TBC1D32: variants seen among roughly 807,000 people sequenced by gnomAD.
The protein encoded by TBC1D32 is TBC1 domain family member 32.
Under a neutral mutation model 170.3 loss-of-function variants are expected in TBC1D32, and 151 were observed. That is an observed-to-expected ratio of 0.89 (90% CI 0.78 to 1.01). The LOEUF (loss-of-function observed/expected upper bound fraction) is 1.01, where lower values mean the gene tolerates loss of function less well. TBC1D32 is among the 50% of genes least tolerant of loss of function. The pLI is 0.00. For synonymous variants in TBC1D32, 498 were observed against 488.0 expected (o/e 1.02, Z -0.27); for missense variants, 1,464 against 1,457.1 (o/e 1.00, Z -0.08).
chr6:121,093,884 G>C (rs1053650533), intron 30 of TBC1D32, among the ~76,000 whole-genome samples: 1 of 152,070 alleles, frequency 6.6e-6, no homozygotes, highest in African/African-American at 2.4e-5. Context: ...CAAAGGTATA[G>C]ATGTTATTAT....
At chr6:121,299,682 A>C (rs1806175358) in intron 9 of TBC1D32, among the ~76,000 whole-genome samples, 177 bp from the exon 10 acceptor site, 1 of 152,184 alleles carries the variant, frequency 6.6e-6, no homozygotes, top group South Asian at 2.1e-4. Flanking sequence ...AGCAATCACA[A>C]GAATGCAAAT....
intron 24 of TBC1D32, among the ~76,000 whole-genome samples, chr6:121,152,346 T>C (rs908747885): frequency 1.1e-4 from 16 of 152,216 alleles, no homozygotes; most frequent in Non-Finnish European, 1.9e-4. Context: ...TTCTGGCTTG[T>C]AGGGTTTCTG....
chr6:121,271,954 A>G (rs1801505104), intron 15 of TBC1D32, among the ~76,000 whole-genome samples: 1 of 152,104 alleles, frequency 6.6e-6, no homozygotes, highest in Non-Finnish European at 1.5e-5. Context: ...ATAATACCAC[A>G]CATCTACAAC....
intron 9 of TBC1D32, among the ~76,000 whole-genome samples, chr6:121,300,083 T>A (rs1380254163): frequency 6.6e-6 from 1 of 152,128 alleles, no homozygotes; most frequent in Non-Finnish European, 1.5e-5. Context: ...AAACTATAAA[T>A]ATTGTTTAGC....
chr6:121,189,576 A>C (rs911879512), intron 22 of TBC1D32, among the ~76,000 whole-genome samples: 2 of 152,008 alleles, frequency 1.3e-5, no homozygotes, highest in East Asian at 1.9e-4. Context: ...CTAGAAAAAA[A>C]TGCTTGTAAC....
chr6:121,170,035 G>A (rs181970248), intron 22 of TBC1D32, among the ~76,000 whole-genome samples: 160 of 152,124 alleles, frequency 1.1e-3, no homozygotes, highest in African/African-American at 3.3e-3. Context: ...TCTTACAATA[G>A]CAGCTGAATT....
rs113660181 is a variant in TBC1D32 at position 121,271,843 on chromosome 6, C to T, written c.1733+7278G>A. On this transcript the variant is annotated intron_variant, in intron 15 of 31. Transcript: ENST00000398212. ...ACAAAAGCTGGAGGCACCATGCCAC[C>T]TGACTTCAAACTGTACTACAAGGCT... Among the ~76,000 whole-genome samples the T allele has an allele frequency of 3.1e-3, 467 of 152,252 alleles. 4 individuals are homozygous for T. Among genetic ancestry groups the T allele is most frequent in the African/African-American group, 0.011 (452 of 41,542 alleles).
intron 30 of TBC1D32, among the ~76,000 whole-genome samples, chr6:121,101,129 T>A (rs189827569): frequency 2.0e-5 from 3 of 152,084 alleles, no homozygotes; most frequent in East Asian, 3.9e-4. Context: ...CAGGACCAGA[T>A]GGATTCACAG....
At chr6:121,112,255 C>T in intron 29 of TBC1D32, 1 of 246,894 alleles carries the variant, frequency 4.1e-6, no homozygotes. Flanking sequence ...ATTTTAATTT[C>T]ATTATCATGT....
At chr6:121,172,714 T>C (rs1455613235) in intron 22 of TBC1D32, among the ~76,000 whole-genome samples, 1 of 152,242 alleles carries the variant, frequency 6.6e-6, no homozygotes, top group African/African-American at 2.4e-5. Context: ...GTTAAGAACA[T>C]GCTTGTGCAT....
chr6:121,210,147 A>C lies in TBC1D32; in HGVS notation c.2482-4984T>G, dbSNP rs983679250. Among the ~76,000 whole-genome samples the C allele has an allele frequency of 6.6e-5, 10 of 152,220 alleles. 1 individual carries two copies. The highest frequency in any genetic ancestry group is 1.3e-4 in the Non-Finnish European group (9 of 68,050). On this transcript the variant is annotated intron_variant, in intron 21 of 31. Coordinates refer to ENST00000398212, the MANE Select transcript of TBC1D32 (RefSeq NM_152730.6). Reference sequence around the variant, plus strand: ...AGATACCTGACATGAAGCCATGAAAAGTTAAGACCTAATATCCCTAAAAGC... The same window carrying C: ...AGATACCTGACATGAAGCCATGAAACGTTAAGACCTAATATCCCTAAAAGC...
intron 20 of TBC1D32, among the ~76,000 whole-genome samples, chr6:121,231,075 A>G (rs1279912301): frequency 1.3e-5 from 2 of 152,130 alleles, no homozygotes; most frequent in African/African-American, 4.8e-5. Flanking sequence ...ACTTAGAATA[A>G]TAGTCTCCAA....
intron 21 of TBC1D32, among the ~76,000 whole-genome samples, chr6:121,206,813 G>T (rs1003449311): frequency 1.8e-4 from 28 of 152,216 alleles, no homozygotes; most frequent in Admixed American, 8.5e-4. Flanking sequence ...GGCACTACTT[G>T]CTTCAAACAT....
intron 5 of TBC1D32, among the ~76,000 whole-genome samples, chr6:121,307,168 A>C (rs939852737): frequency 2.0e-5 from 3 of 151,892 alleles, no homozygotes; most frequent in Non-Finnish European, 2.9e-5. Context: ...TGAGCCCAGG[A>C]GTTCAAGACC....
At chr6:121,261,267 C>T (rs974980385) in intron 15 of TBC1D32, among the ~76,000 whole-genome samples, 1 of 152,200 alleles carries the variant, frequency 6.6e-6, no homozygotes, top group Admixed American at 6.5e-5. Context: ...GCAGCACACC[C>T]TCTGCCAAGG....
At chr6:121,140,331 C>CAA (rs57301815) in intron 24 of TBC1D32, among the ~76,000 whole-genome samples, 2 of 135,884 alleles carry the variant, frequency 1.5e-5, no homozygotes, top group Non-Finnish European at 3.3e-5. Context: ...CAGGTTGGGG[C>CAA]AAAAAAAAAA....
intron 1 of TBC1D32, among the ~76,000 whole-genome samples, chr6:121,330,009 C>G (rs1254660986): frequency 1.3e-5 from 2 of 152,100 alleles, no homozygotes; most frequent in African/African-American, 4.8e-5. Flanking sequence ...TTTCTCCATA[C>G]AGGTAAATCA....
intron 19 of TBC1D32, among the ~76,000 whole-genome samples, chr6:121,239,819 A>G (rs1398902061): frequency 6.6e-6 from 1 of 152,178 alleles, no homozygotes; most frequent in Non-Finnish European, 1.5e-5. Context: ...AAGTAGAAAA[A>G]TCATGTGGAA....
At chr6:121,190,557 A>G (rs2128285875) in intron 22 of TBC1D32, among the ~76,000 whole-genome samples, 1 of 151,988 alleles carries the variant, frequency 6.6e-6, no homozygotes, top group African/African-American at 2.4e-5. Context: ...TTAAATGCTT[A>G]TTTGAACTAT....
Sources: allele counts gnomAD v4.1 joint callset (sites outside exome capture counted in the v4.1 genomes callset), GRCh38; gene constraint gnomAD v4.1.1; transcripts MANE v1.5; gene names NCBI Gene and HGNC (gene_info 2026-07-23, HGNC 2026-07-21).